The following NDFIP1 variants were observed in gnomAD, a reference collection of about 807,000 sequenced individuals.
The protein encoded by NDFIP1 is NEDD4 family-interacting protein 1.
NDFIP1 carries 7 observed loss-of-function variants against 28.8 expected under a neutral mutation model. The ratio of observed to expected loss-of-function variants is 0.24; its 90% confidence interval spans 0.14 to 0.46. The LOEUF (loss-of-function observed/expected upper bound fraction) is 0.46, where lower values mean the gene tolerates loss of function less well. Among genes scored for constraint, NDFIP1 ranks in the 20% least tolerant of loss-of-function variants. NDFIP1 has a pLI of 0.99. For synonymous variants in NDFIP1, 92 were observed against 101.0 expected, an observed-to-expected ratio of 0.91 and a Z score of 0.53; for missense variants, 194 against 269.1, an observed-to-expected ratio of 0.72 and a Z score of 1.95.
intron 5 of NDFIP1, among the ~76,000 whole-genome samples, chr5:142,139,112 C>T (rs138904620): frequency 0.015 from 2,259 of 151,104 alleles, 48 homozygotes; most frequent in African/African-American, 0.049. Flanking sequence ...CCCAGCTACT[C>T]GGGAGGCTGA....
At chr5:142,139,963 T>C (rs906499915) in intron 5 of NDFIP1, among the ~76,000 whole-genome samples, 2 of 152,150 alleles carry the variant, frequency 1.3e-5, no homozygotes, top group African/African-American at 4.8e-5. Context: ...AAATGTTTTC[T>C]AAAAAAACCA....
intron 3 of NDFIP1, among the ~76,000 whole-genome samples, chr5:142,133,515 A>G (rs752601370): frequency 3.3e-5 from 5 of 152,268 alleles, no homozygotes; most frequent in Non-Finnish European, 5.9e-5. Context: ...ACTGATAAGT[A>G]GCAGAAGTGA....
At position 142,153,668 on chromosome 5, in the gene NDFIP1, G is replaced by A; in HGVS notation, c.*1940G>A. On this transcript the variant is annotated 3_prime_UTR_variant, in exon 8 of 8. Transcript: ENST00000253814. ...ACAATGGAGTTTGGAAGTTTGTATG[G>A]CCTATAATGTTCTAAGTTCCAGAAT... 3.6e-6 allele frequency: 1 copy of A among 280,502 alleles called. No homozygotes were observed. The allele number at this position is 280,502 out of a possible 1,614,324, so 17.4% of individuals were successfully genotyped here.
chr5:142,116,796 C>T (rs546337042), intron 1 of NDFIP1, among the ~76,000 whole-genome samples: 7 of 151,976 alleles, frequency 4.6e-5, no homozygotes, highest in Non-Finnish European at 8.8e-5. Context: ...CTGCAATCTC[C>T]GCCTCCTGGG....
chr5:142,141,332 C>T (rs1165331659), intron 6 of NDFIP1, among the ~76,000 whole-genome samples: 14 of 151,556 alleles, frequency 9.2e-5, no homozygotes, highest in Non-Finnish European at 1.5e-4. Context: ...CCTGCCACCA[C>T]GCCCGGCTAA....
chr5:142,148,750 CAAAAA>C lies in NDFIP1; in HGVS notation c.*3-2958_*3-2954del, dbSNP rs60681858. On this transcript the variant is annotated intron_variant, in intron 7 of 7. Transcript: ENST00000253814. Reference sequence around the variant, plus strand: ...TGGGCGACAGAGCGAGACTCTGTCTCAAAAAAAAAAAAAAAAAAAAAAAAAAAGTA... The same window carrying C: ...TGGGCGACAGAGCGAGACTCTGTCTCAAAAAAAAAAAAAAAAAAAAAAGTA... Among the ~76,000 whole-genome samples, 16 of 22,228 alleles carry C rather than the reference CAAAAA, an allele frequency of 7.2e-4. No individual in the cohort carries two copies. In the East Asian group the frequency reaches 0.031, roughly 42 times the overall value. The allele number at this position is 22,228 out of a possible 152,430, so 14.6% of individuals were successfully genotyped here.
rs374180795 is a variant in NDFIP1, at chr5:142,150,060, A to C, written c.*3-1671A>C. Among the ~76,000 whole-genome samples the C allele has an allele frequency of 1.8e-4, 27 of 152,160 alleles. No individual in the cohort carries two copies. The East Asian group carries it at 2.7e-3, about 15-fold the overall frequency. On this transcript the variant is annotated intron_variant, in intron 7 of 7. Transcript: ENST00000253814. ...GCTGGGTGTGGTGGCGGGCGCCTGTAGTCCCAGCTACTCGGGAGGCTGAGG... is the reference window on the plus strand; with the variant it reads ...GCTGGGTGTGGTGGCGGGCGCCTGTCGTCCCAGCTACTCGGGAGGCTGAGG...
In NDFIP1 at chr5:142,120,898, C is replaced by T. The variant is rs564920233; in HGVS notation, c.64-10910C>T. 2.0e-5 allele frequency among the ~76,000 whole-genome samples: 3 copies of T among 152,356 alleles called. No individual in the cohort carries two copies. The East Asian group carries it at 5.8e-4, about 29-fold the overall frequency. On this transcript the variant is annotated intron_variant, in intron 1 of 7. Transcript: ENST00000253814. ...GGAAGAGGGGACCTCATGACCAGGCCTGAATCAAGGTGGACTCTCCTGAAT... is the reference window on the plus strand; with the variant it reads ...GGAAGAGGGGACCTCATGACCAGGCTTGAATCAAGGTGGACTCTCCTGAAT...
In NDFIP1 at chr5:142,121,704, T is replaced by C. The variant is rs1314633009; in HGVS notation, c.64-10104T>C. Among the ~76,000 whole-genome samples the C allele has an allele frequency of 3.3e-5, 5 of 152,240 alleles. No homozygotes were observed. The East Asian group carries it at 9.6e-4, about 29-fold the overall frequency. On this transcript the variant is annotated intron_variant, in intron 1 of 7. Transcript: ENST00000253814. ...TCCTGAAACCATCATCACTGTCCTC[T>C]CTACAGTTATAGCAGTCATCTGTGT... is the stretch of plus-strand genomic sequence containing the variant.
intron 3 of NDFIP1, among the ~76,000 whole-genome samples, 161 bp downstream of exon 3, chr5:142,132,503 T>G (rs1047024170): frequency 6.6e-6 from 1 of 152,248 alleles, no homozygotes; most frequent in Non-Finnish European, 1.5e-5. Flanking sequence ...AACTCATCTC[T>G]TCTTAAAAAT....
At position 142,137,970 on chromosome 5, in the gene NDFIP1, A is replaced by AT; in HGVS notation, c.495+117dup. ...AAAAGTTATTTCAGTGTGTTAAATG[A>AT]TTTTTGGTTTGTCTGTGGTTTCATG... On this transcript the variant is annotated intron_variant, in intron 5 of 7. Coordinates refer to ENST00000253814, the MANE Select transcript of NDFIP1 (RefSeq NM_030571.4). 4.4e-6 allele frequency: 6 copies of AT among 1,368,812 alleles called. No homozygotes were observed. In the East Asian group the frequency reaches 1.5e-4, roughly 33 times the overall value. 84.8% of individuals were successfully genotyped at this position (1,368,812 alleles called of 1,614,324 possible).
At chr5:142,112,983 A>G (rs921441311) in intron 1 of NDFIP1, among the ~76,000 whole-genome samples, 3 of 152,184 alleles carry the variant, frequency 2.0e-5, no homozygotes, top group Admixed American at 6.5e-5. Context: ...CCGTTCATCC[A>G]TAGATGAACG....
At chr5:142,133,913 A>T (rs1456349525) in intron 3 of NDFIP1, 2 of 152,226 alleles carry the variant, frequency 1.3e-5, no homozygotes, top group African/African-American at 2.4e-5. Context: ...CTGGGTGATC[A>T]TAGGGGAAAA....
intron 1 of NDFIP1, among the ~76,000 whole-genome samples, chr5:142,116,695 CTCT>C (rs937748888): frequency 5.9e-5 from 9 of 151,638 alleles, no homozygotes; most frequent in Non-Finnish European, 1.2e-4. Context: ...CTCTTCTCTC[CTCT>C]TCTTTTTTAT....
At chr5:142,109,449 C>A (rs1596778500) in intron 1 of NDFIP1, among the ~76,000 whole-genome samples, 1 of 152,338 alleles carries the variant, frequency 6.6e-6, no homozygotes, top group East Asian at 1.9e-4. Context: ...AGATTAAAAT[C>A]TCTGCTGCTG....
At chr5:142,138,611 T>G (rs536762608) in intron 5 of NDFIP1, among the ~76,000 whole-genome samples, 2 of 152,324 alleles carry the variant, frequency 1.3e-5, no homozygotes, top group East Asian at 3.9e-4. Flanking sequence ...CCTTATTTAT[T>G]ATAAAACATT....
intron 6 of NDFIP1, chr5:142,142,911 C>T (rs1467766550): frequency 2.9e-5 from 2 of 68,346 alleles, no homozygotes; most frequent in Admixed American, 2.4e-4. Flanking sequence ...GAGCAAGATT[C>T]CATCTCAAAA....
chr5:142,128,363 A>G lies in NDFIP1; in HGVS notation c.64-3445A>G, dbSNP rs572374002. Among the ~76,000 whole-genome samples, 8 of 152,308 alleles carry G rather than the reference A, an allele frequency of 5.3e-5. No homozygotes were observed. In the South Asian group the frequency reaches 1.7e-3, roughly 32 times the overall value. ...GCACAGAAGGGTTCCCAGGGGTGGA[A>G]AAGGGGAATCTTAAAAATAAATTTT... On this transcript the variant is annotated intron_variant, in intron 1 of 7. Transcript: ENST00000253814.
At chr5:142,135,650 C>A in intron 3 of NDFIP1, 80 bp from the exon 4 acceptor site, 1 of 1,231,248 alleles carries the variant, frequency 8.1e-7, no homozygotes, top group South Asian at 1.3e-5. Flanking sequence ...TAACTTTTTT[C>A]CTTGCTACTC....
Sources: allele counts gnomAD v4.1 joint callset (sites outside exome capture counted in the v4.1 genomes callset), GRCh38; gene constraint gnomAD v4.1.1; transcripts MANE v1.5; gene names NCBI Gene and HGNC (gene_info 2026-07-23, HGNC 2026-07-21).